EYS: variants seen among roughly 807,000 people sequenced by gnomAD.
EYS encodes the protein protein eyes shut homolog.
EYS carries 250 observed loss-of-function variants against 282.1 expected under a neutral mutation model. That is an observed-to-expected ratio of 0.89 (90% CI 0.80 to 0.98). EYS has a LOEUF of 0.98. Among genes scored for constraint, EYS ranks in the 50% least tolerant of loss-of-function variants. EYS has a pLI of 0.00. For missense variants in EYS, 4,016 were observed against 3,709.0 expected, an observed-to-expected ratio of 1.08 and a Z score of -2.15; for synonymous variants, 1,355 against 1,282.9, an observed-to-expected ratio of 1.06 and a Z score of -1.20.
At chr6:65,314,561 GGTGTGTGTGTGTGTGTGT>G (rs4032795) in intron 11 of EYS, among the ~76,000 whole-genome samples, 22 of 106,338 alleles carry the variant, frequency 2.1e-4, no homozygotes, top group African/African-American at 2.7e-4. Flanking sequence ...TTCCCCTTAT[GGTGTGTGTGTGTGTGTGT>G]GTGTGTGTGT....
At chr6:63,861,495 G>A (rs1000562552) in intron 36 of EYS, among the ~76,000 whole-genome samples, 1 of 152,094 alleles carries the variant, frequency 6.6e-6, no homozygotes, top group South Asian at 2.1e-4. Context: ...GCCTTTCAAC[G>A]GTTTCCTAAG....
intron 33 of EYS, among the ~76,000 whole-genome samples, chr6:64,010,736 C>T (rs906176085): frequency 3.9e-5 from 6 of 152,232 alleles, no homozygotes; most frequent in Non-Finnish European, 8.8e-5. Flanking sequence ...GAATGAGAAA[C>T]GTACCTGATC....
At chr6:65,395,704 T>A (rs1226427622) in intron 7 of EYS, among the ~76,000 whole-genome samples, 2 of 152,202 alleles carry the variant, frequency 1.3e-5, no homozygotes, top group East Asian at 3.9e-4. Context: ...ACACGTGATG[T>A]TTTGTTTCAT....
chr6:65,547,167 T>C (rs1768422594), intron 2 of EYS, among the ~76,000 whole-genome samples: 1 of 151,164 alleles, frequency 6.6e-6, no homozygotes. Context: ...ACTGTATGCA[T>C]ATTCTTATGC....
At chr6:65,526,129 T>A (rs1274680816) in intron 2 of EYS, among the ~76,000 whole-genome samples, 1 of 152,178 alleles carries the variant, frequency 6.6e-6, no homozygotes, top group Admixed American at 6.5e-5. Context: ...GCATGTCAGT[T>A]AGGGCTTTTC....
intron 34 of EYS, among the ~76,000 whole-genome samples, chr6:63,997,653 C>A (rs1767894156): frequency 6.6e-6 from 1 of 152,136 alleles, no homozygotes; most frequent in South Asian, 2.1e-4. Flanking sequence ...CAACTTGCAG[C>A]ATTCTGATCG....
intron 33 of EYS, among the ~76,000 whole-genome samples, chr6:64,015,180 A>G (rs9353436): frequency 0.31 from 47,494 of 152,076 alleles, 7,665 homozygotes; most frequent in South Asian, 0.4. Flanking sequence ...AATAGAGATA[A>G]TAATTCCTGG....
At chr6:64,628,797 T>G (rs1321298217) in intron 22 of EYS, among the ~76,000 whole-genome samples, 1 of 152,176 alleles carries the variant, frequency 6.6e-6, no homozygotes, top group Non-Finnish European at 1.5e-5. Context: ...TTAAAGGGGA[T>G]AGTTTAAAAA....
intron 11 of EYS, among the ~76,000 whole-genome samples, chr6:65,333,567 G>A (rs999133918): frequency 6.6e-6 from 1 of 151,596 alleles, no homozygotes; most frequent in Non-Finnish European, 1.5e-5. Context: ...TTATAGTGTT[G>A]TTTGAATCTC....
rs140341077 is a variant in EYS, at chr6:65,494,854, T to C, written c.557A>G (p.His186Arg). 1.1e-5 allele frequency: 17 copies of C among 1,614,004 alleles called. No individual in the cohort carries two copies. In the African/African-American group the frequency reaches 1.7e-4, roughly 16 times the overall value. The change falls in exon 4 of 43, where the codon CAT becomes CGT. Residue 186 changes from histidine to arginine, a missense_variant. By Grantham distance (29) the His-to-Arg change is conservative. Coordinates refer to ENST00000503581, the MANE Select transcript of EYS (RefSeq NM_001142800.2). ...ESLSSEFCSGHGKCLSEAWSK... is the reference protein window; with the variant it reads ...ESLSSEFCSGRGKCLSEAWSK... ...CCAAGCTTCACTAAGACATTTACCA[T>C]GACCAGAGCAAAATTCTGAACTCAG... is the stretch of plus-strand genomic sequence containing the variant.
intron 12 of EYS, among the ~76,000 whole-genome samples, chr6:65,068,341 A>G (rs1327790579): frequency 6.6e-6 from 1 of 152,136 alleles, no homozygotes; most frequent in East Asian, 1.9e-4. Context: ...AATAATGAAT[A>G]CAAACATTCT....
At chr6:65,197,232 G>A in intron 12 of EYS, among the ~76,000 whole-genome samples, 1 of 152,144 alleles carries the variant, frequency 6.6e-6, no homozygotes, top group East Asian at 1.9e-4. Context: ...TATGTAGAAA[G>A]GATATACAGG....
intron 31 of EYS, among the ~76,000 whole-genome samples, chr6:64,151,317 T>TATATA (rs1774704033): frequency 2.5e-4 from 13 of 52,462 alleles, no homozygotes; most frequent in Non-Finnish European, 2.8e-4. Flanking sequence ...GTGTGTATAT[T>TATATA]TATATATATA....
intron 26 of EYS, among the ~76,000 whole-genome samples, chr6:64,506,921 A>AAAAAAAAAAAC (rs1777227822): frequency 7.2e-6 from 1 of 139,448 alleles, no homozygotes; most frequent in Non-Finnish European, 1.5e-5. Context: ...AAAAAAAAAA[A>AAAAAAAAAAAC]AAAACTGACT....
chr6:64,299,218 C>G (rs754658573), intron 30 of EYS, among the ~76,000 whole-genome samples: 5 of 152,214 alleles, frequency 3.3e-5, no homozygotes, highest in Non-Finnish European at 5.9e-5. Flanking sequence ...AACCTTTGAT[C>G]ATTCACAGAA....
intron 30 of EYS, among the ~76,000 whole-genome samples, chr6:64,238,506 T>C (rs1423753118): frequency 6.6e-6 from 1 of 152,150 alleles, no homozygotes; most frequent in Non-Finnish European, 1.5e-5. Flanking sequence ...TTGTACATTT[T>C]ACTCTAATAG....
chr6:65,195,305 G>A (rs1381043586), intron 12 of EYS, among the ~76,000 whole-genome samples: 2 of 151,900 alleles, frequency 1.3e-5, no homozygotes, highest in African/African-American at 2.4e-5. Context: ...TCTGGATATA[G>A]CGTATCAATA....
At chr6:64,226,370 T>C (rs1177890621) in intron 31 of EYS, among the ~76,000 whole-genome samples, 1 of 152,138 alleles carries the variant, frequency 6.6e-6, no homozygotes, top group Non-Finnish European at 1.5e-5. Context: ...TAAAACAAAA[T>C]ATTTCTTGCT....
At chr6:65,021,599 C>G (rs1200897954) in intron 13 of EYS, among the ~76,000 whole-genome samples, 1 of 152,210 alleles carries the variant, frequency 6.6e-6, no homozygotes, top group African/African-American at 2.4e-5. Context: ...GCCATCAAAA[C>G]TCTTCCAGCC....
Sources: allele counts gnomAD v4.1 joint callset (sites outside exome capture counted in the v4.1 genomes callset), GRCh38; gene constraint gnomAD v4.1.1; transcripts MANE v1.5; gene names NCBI Gene and HGNC (gene_info 2026-07-23, HGNC 2026-07-21).